Variants in MYT1L observed in about 807,000 individuals in gnomAD.
MYT1L encodes myelin transcription factor 1 like.
A neutral mutation model predicts 126.7 loss-of-function variants in MYT1L; 12 were observed. The ratio of observed to expected loss-of-function variants is 0.09; its 90% CI spans 0.06 to 0.15. The LOEUF is 0.15. Ranked by LOEUF, MYT1L falls within the 10% of genes least tolerant of loss-of-function variation. The probability of loss-of-function intolerance (pLI) is 1.00; values close to 1 mark genes in which losing one functional copy is unlikely to be tolerated. For missense variants in MYT1L, 979 were observed against 1,585.2 expected (o/e 0.62, Z 6.49); for synonymous variants, 541 against 604.2 (o/e 0.90, Z 1.53).
chr2:1,972,724 T>C (rs2059901875), intron 8 of MYT1L, among the ~76,000 whole-genome samples: 1 of 152,228 alleles, frequency 6.6e-6, no homozygotes, highest in Non-Finnish European at 1.5e-5. Flanking sequence ...TTCACCACGC[T>C]GTGCCATGGC....
intron 3 of MYT1L, among the ~76,000 whole-genome samples, chr2:2,129,837 C>T (rs1419065332): frequency 6.7e-6 from 1 of 149,528 alleles, no homozygotes. Flanking sequence ...ACCCGGGAGG[C>T]GGAGCTTGCA....
chr2:1,903,182 T>C lies in MYT1L; in HGVS notation c.1930A>G (p.Thr644Ala), dbSNP rs752623036. ...LAKELEKYSKTSFEYNSYDNH... is the reference protein window; with the variant it reads ...LAKELEKYSKASFEYNSYDNH... ...TCGTAACTGTTGTATTCAAACGAGG[T>C]CTTGGAATATTTCTCGAGCTCCTTG... Residue 644 changes from threonine (T) to alanine (A), a missense_variant, in exon 14 of 25, where the codon ACC (threonine) becomes GCC (alanine). Around this residue, in one of 12 missense-constraint regions of MYT1L, gnomAD observed 82 missense variants for 177.2 expected, o/e 0.46. Transcript: ENST00000647738. The C allele has an allele frequency of 1.9e-6, 3 of 1,613,848 alleles. No individual in the cohort carries two copies. The highest frequency in any genetic ancestry group is 2.5e-6 in the Non-Finnish European group (3 of 1,179,878).
intron 2 of MYT1L, among the ~76,000 whole-genome samples, chr2:2,193,299 T>C (rs1175690062): frequency 6.6e-6 from 1 of 152,186 alleles, no homozygotes; most frequent in Non-Finnish European, 1.5e-5. Context: ...AAAGTCAGTG[T>C]CTGGATTAGA....
intron 23 of MYT1L, among the ~76,000 whole-genome samples, chr2:1,797,129 A>C (rs2033714550): frequency 6.6e-6 from 1 of 152,018 alleles, no homozygotes; most frequent in Non-Finnish European, 1.5e-5. Flanking sequence ...AGCTGAGGCC[A>C]CACTGAATCC....
intron 14 of MYT1L, among the ~76,000 whole-genome samples, chr2:1,901,256 C>T (rs1048902721): frequency 6.6e-6 from 1 of 152,134 alleles, no homozygotes. Context: ...TCAGCCCACA[C>T]GGAACAAGAA....
intron 3 of MYT1L, among the ~76,000 whole-genome samples, chr2:2,111,997 G>T (rs535760635): frequency 4.6e-5 from 7 of 152,230 alleles, no homozygotes; most frequent in Admixed American, 3.9e-4. Context: ...TCTTTGAAGC[G>T]TGCAAACTTG....
intron 4 of MYT1L, among the ~76,000 whole-genome samples, chr2:2,052,572 A>C (rs139022961): frequency 1.2e-4 from 18 of 152,198 alleles, no homozygotes; most frequent in Non-Finnish European, 1.5e-5. Context: ...AATATATAAG[A>C]ATTCCTACAA....
At position 1,848,341 on chromosome 2, in the gene MYT1L, AGCGCGAG is replaced by A. The variant is rs1391039268; in HGVS notation, c.2774+3293_2774+3299del. 1.5e-5 allele frequency among the ~76,000 whole-genome samples: 1 copy of A among 65,868 alleles called. No homozygotes were observed. The highest frequency in any genetic ancestry group is 8.8e-5 in the African/African-American group (1 of 11,318). The allele number at this position is 65,868 out of a possible 152,430, so 43.2% of individuals were successfully genotyped here. On this transcript the variant is annotated intron_variant, in intron 19 of 24. Coordinates refer to ENST00000647738, the MANE Select transcript of MYT1L (RefSeq NM_001303052.2). This position sits in a 1 kb window ranked among gnomAD's most constrained non-coding sequence, Gnocchi z 4.8. ...GAGGAAGAATTCCAGACACCACGGAAGCGCGAGGCGTTTGTCCTGGGAGCAGGAGGGA... is the reference window on the plus strand; with the variant it reads ...GAGGAAGAATTCCAGACACCACGGAAGCGTTTGTCCTGGGAGCAGGAGGGA...
chr2:2,157,602 T>C (rs1458155419), intron 3 of MYT1L, among the ~76,000 whole-genome samples: 4 of 152,186 alleles, frequency 2.6e-5, no homozygotes, highest in Admixed American at 6.5e-5. Context: ...AGTCAGATGA[T>C]ACATGTGCTG....
intron 8 of MYT1L, among the ~76,000 whole-genome samples, chr2:1,969,395 C>T (rs1045579403): frequency 1.3e-5 from 2 of 152,220 alleles, no homozygotes; most frequent in Non-Finnish European, 2.9e-5. Context: ...AAAATGCTGT[C>T]TCATTAGGAG....
At position 1,984,595 on chromosome 2, in the gene MYT1L, C is replaced by T. The variant is rs577673322; in HGVS notation, c.1-4818G>A. Among the ~76,000 whole-genome samples the T allele has an allele frequency of 9.3e-5, 14 of 150,060 alleles. No individual in the cohort carries two copies. In the South Asian group the frequency reaches 1.5e-3, roughly 16 times the overall value. On this transcript the variant is annotated intron_variant, in intron 5 of 24. Transcript: ENST00000647738. Reference sequence around the variant, plus strand: ...CGCTATCTGGGCTCACTACAAGCTCCGCCTCCTGGGTTCACACCATTCTCC... The same window carrying T: ...CGCTATCTGGGCTCACTACAAGCTCTGCCTCCTGGGTTCACACCATTCTCC...
intron 21 of MYT1L, chr2:1,824,689 G>A (rs2148186684): frequency 6.6e-6 from 1 of 152,352 alleles, no homozygotes; most frequent in Admixed American, 6.5e-5. Context: ...GGAGAGAGTG[G>A]AGGAGGACTC....
chr2:2,203,803 G>A (rs1056102095), intron 2 of MYT1L, among the ~76,000 whole-genome samples: 1 of 152,140 alleles, frequency 6.6e-6, no homozygotes, highest in Non-Finnish European at 1.5e-5. Context: ...ACATTGCCAA[G>A]TCAATCCTAA....
rs1263022728 is a variant in MYT1L at position 1,798,019 on chromosome 2, C to G, written c.3276+3677G>C. ...CCGGCACAGGCGCGGCGGTCTCCCC[C>G]CATCCGGCACAGGCGCGGCGGTCTC... On this transcript the variant is annotated intron_variant, in intron 23 of 24. Transcript: ENST00000647738. Among the ~76,000 whole-genome samples, 4 of 61,878 alleles carry G rather than the reference C, an allele frequency of 6.5e-5. No individual in the cohort carries two copies. The East Asian group carries it at 1.7e-3, about 27-fold the overall frequency. The allele number at this position is 61,878 out of a possible 152,430, so 40.6% of individuals were successfully genotyped here. A position where few individuals can be genotyped will look rare whatever the true frequency, so the allele number is the denominator to read the frequency against.
At chr2:2,330,121 T>G (rs1481532717) in intron 1 of MYT1L, among the ~76,000 whole-genome samples, 1 of 152,056 alleles carries the variant, frequency 6.6e-6, no homozygotes, top group Non-Finnish European at 1.5e-5. Context: ...CATATGCCAG[T>G]AAGGGTGGTT....
In MYT1L at chr2:2,040,716, T is replaced by TC. The variant is rs535034740; in HGVS notation, c.-158+13261dup. Among the ~76,000 whole-genome samples, 16 of 152,324 alleles carry TC rather than the reference T, an allele frequency of 1.1e-4. No homozygotes were observed. In the South Asian group the frequency reaches 3.3e-3, roughly 32 times the overall value. ...TCAATATTTAATTTTTTGGTCAATTTCTGAAGAATGGATCATTGTTGGGGG... is the reference window on the plus strand; with the variant it reads ...TCAATATTTAATTTTTTGGTCAATTTCCTGAAGAATGGATCATTGTTGGGGG... On this transcript the variant is annotated intron_variant, in intron 4 of 24. Transcript: ENST00000647738.
chr2:1,833,043 CG>C (rs1558690387), intron 21 of MYT1L, among the ~76,000 whole-genome samples: 1 of 151,984 alleles, frequency 6.6e-6, no homozygotes, highest in African/African-American at 2.4e-5. Context: ...ACACGTCTGT[CG>C]GCGGCTTAGG....
At chr2:2,128,557 T>C (rs575583803) in intron 3 of MYT1L, among the ~76,000 whole-genome samples, 2 of 152,286 alleles carry the variant, frequency 1.3e-5, no homozygotes, top group East Asian at 1.9e-4. Context: ...TGGTGAAAGG[T>C]AGAGTTGGTG....
chr2:2,329,415 A>G lies in MYT1L; in HGVS notation c.-521+1552T>C, dbSNP rs147755631. On this transcript the variant is annotated intron_variant, in intron 1 of 24. Coordinates refer to ENST00000647738, the MANE Select transcript of MYT1L (RefSeq NM_001303052.2). ...GACTATATGTACAGATCAAAAGACA[A>G]CAACATAATCCTTCATATTATAATA... 2.3e-3 allele frequency among the ~76,000 whole-genome samples: 345 copies of G among 152,246 alleles called. 4 individuals carry two copies. The East Asian group carries it at 0.037, about 16-fold the overall frequency.
Sources: allele counts gnomAD v4.1 joint callset (sites outside exome capture counted in the v4.1 genomes callset), GRCh38; gene constraint gnomAD v4.1.1; regional missense constraint gnomAD v4.1.1; non-coding constraint Gnocchi (gnomAD v3.1); transcripts MANE v1.5; gene names NCBI Gene and HGNC (gene_info 2026-07-23, HGNC 2026-07-21).